SAP130: variants seen among roughly 807,000 people sequenced by gnomAD.
SAP130 encodes Sin3A associated protein 130.
A neutral mutation model predicts 103.2 loss-of-function variants in SAP130; 16 were observed. The observed-to-expected ratio is 0.16, with a 90% CI of 0.10 to 0.24. SAP130 has a LOEUF of 0.24. Among genes scored for constraint, SAP130 ranks in the 10% least tolerant of loss-of-function variants. The probability of loss-of-function intolerance (pLI) is 1.00; values close to 1 mark genes in which losing one functional copy is unlikely to be tolerated. For synonymous variants in SAP130, 477 were observed against 497.0 expected, an observed-to-expected ratio of 0.96 and a Z score of 0.53; for missense variants, 990 against 1,359.7, an observed-to-expected ratio of 0.73 and a Z score of 4.28.
At chr2:128,020,512 T>C (rs1054826838) in intron 2 of SAP130, among the ~76,000 whole-genome samples, 1 of 152,224 alleles carries the variant, frequency 6.6e-6, no homozygotes, top group Non-Finnish European at 1.5e-5. Context: ...ATGCTGTATA[T>C]AGTACGACAC....
At chr2:128,003,298 G>A (rs1683703198) in intron 7 of SAP130, among the ~76,000 whole-genome samples, 1 of 151,810 alleles carries the variant, frequency 6.6e-6, no homozygotes, top group African/African-American at 2.4e-5. Flanking sequence ...CTTGAGCCCA[G>A]GAATTTGAGA....
intron 12 of SAP130, among the ~76,000 whole-genome samples, chr2:127,992,806 T>C (rs574114671): frequency 1.3e-5 from 2 of 152,314 alleles, no homozygotes; most frequent in South Asian, 4.1e-4. Context: ...ACAAGTACCA[T>C]GGAACCTAAA....
chr2:127,990,860 T>G (rs1214639933), intron 12 of SAP130, among the ~76,000 whole-genome samples: 1 of 150,374 alleles, frequency 6.7e-6, no homozygotes. Context: ...AGGATTCCCT[T>G]GAACTCAGGA....
chr2:127,941,942 C>CCAA lies in SAP130; in HGVS notation c.*63_*64insTTG. The CCAA allele has an allele frequency of 5.5e-6, 1 of 181,344 alleles. No individual in the cohort carries two copies. Among genetic ancestry groups the CCAA allele is most frequent in the Non-Finnish European group, 1.0e-5 (1 of 96,874 alleles). The allele number at this position is 181,344 out of a possible 1,614,324, so 11.2% of individuals were successfully genotyped here. A position where few individuals can be genotyped will look rare whatever the true frequency, so the allele number is the denominator to read the frequency against. ...TGTTCCACTTTGGAAAAAACCAAAA[C>CCAA]CCTCCCCCCACCCCCACCATCATTC... On this transcript the variant is annotated 3_prime_UTR_variant, in exon 21 of 21. Coordinates refer to ENST00000643581, the MANE Select transcript of SAP130 (RefSeq NM_001330301.2).
intron 2 of SAP130, among the ~76,000 whole-genome samples, chr2:128,024,975 T>C (rs528396345): frequency 1.5e-4 from 22 of 142,662 alleles, no homozygotes; most frequent in Admixed American, 5.1e-4. Context: ...GTACTGCCGC[T>C]TGAGTGACAG....
intron 15 of SAP130, among the ~76,000 whole-genome samples, chr2:127,971,411 G>A (rs564570958): frequency 1.3e-5 from 2 of 150,782 alleles, no homozygotes; most frequent in East Asian, 3.9e-4. Flanking sequence ...TCAGCCTCCC[G>A]AGTAGCTGGG....
Position 127,996,304 on chromosome 2 carries a change from G to T in SAP130, c.1355+46C>A. 6.7e-7 allele frequency: 1 copy of T among 1,494,370 alleles called. No homozygotes were observed. The highest frequency in any genetic ancestry group is 1.4e-5 in the South Asian group (1 of 73,464). 92.6% of individuals were successfully genotyped at this position (1,494,370 alleles called of 1,614,324 possible). A position where few individuals can be genotyped will look rare whatever the true frequency, so the allele number is the denominator to read the frequency against. ...TTGTTTTATGCTGATAAAGCAGAAC[G>T]ATTAATGACACAGTGAGGCAGAATA... On this transcript the variant is annotated intron_variant, in intron 11 of 20. Coordinates refer to ENST00000643581, the MANE Select transcript of SAP130 (RefSeq NM_001330301.2). The surrounding 1 kb of genome is among the most constrained non-coding windows in gnomAD (Gnocchi z 4.3).
Position 127,996,369 on chromosome 2 carries a change from C to T in SAP130, c.1336G>A (p.Glu446Lys), listed in dbSNP as rs1267004267. 1 of 1,604,522 alleles carries T rather than the reference C, an allele frequency of 6.2e-7. No homozygotes were observed. The highest frequency in any genetic ancestry group is 8.5e-7 in the Non-Finnish European group (1 of 1,175,484). ...HRASPNPVAM[E>K]TRSDNRPSVP... is the part of the protein sequence containing the mutation. ...TCCTACCTGTTGTCACTTCGGGTTTCCATGGCCACAGGATTGGGAGAGGCC... is the reference window on the plus strand; with the variant it reads ...TCCTACCTGTTGTCACTTCGGGTTTTCATGGCCACAGGATTGGGAGAGGCC... Residue 446 changes from glutamate to lysine, a missense_variant, in exon 11 of 21, where the codon GAA (glutamate) becomes AAA (lysine). Around this residue, in one of 6 missense-constraint regions of SAP130, gnomAD observed 336 missense variants for 520.1 expected, o/e 0.65. Transcript: ENST00000643581. This position sits in a 1 kb window ranked among gnomAD's most constrained non-coding sequence, Gnocchi z 4.3.
intron 14 of SAP130, among the ~76,000 whole-genome samples, chr2:127,979,370 G>A (rs1681701863): frequency 6.6e-6 from 1 of 152,120 alleles, no homozygotes; most frequent in African/African-American, 2.4e-5. Flanking sequence ...CCTTAAGCCA[G>A]AAGATTTATG....
At chr2:127,984,026 T>C (rs1432805143) in intron 14 of SAP130, among the ~76,000 whole-genome samples, 1 of 152,026 alleles carries the variant, frequency 6.6e-6, no homozygotes, top group Non-Finnish European at 1.5e-5. Flanking sequence ...TTGAAACCCA[T>C]TACCTGGAGG....
At chr2:128,018,483 C>CAAAAAAAAAA (rs759445928) in intron 2 of SAP130, among the ~76,000 whole-genome samples, 3 of 69,472 alleles carry the variant, frequency 4.3e-5, no homozygotes, top group African/African-American at 2.0e-4. Flanking sequence ...AGATTGTCTC[C>CAAAAAAAAAA]AAAAAAAAAA....
In SAP130 at chr2:127,950,367, C is replaced by T. The variant is rs534446454; in HGVS notation, c.2464G>A (p.Ala822Thr). 1.5e-5 allele frequency: 25 copies of T among 1,614,192 alleles called. No homozygotes were observed. In the South Asian group the frequency reaches 2.6e-4, roughly 17 times the overall value. ...LATNTVSPSL[A>T]LLANNLSMPT... ...ATGGACAAGTTGTTTGCCAGCAATG[C>T]AAGAGATGGAGACACAGTGTTGGTA... The change falls in exon 17 of 21, where the codon GCA becomes ACA. Residue 822 changes from alanine (A) to threonine (T), a missense_variant. Physicochemically the swap from Ala to Thr is moderately conservative, Grantham distance 58 (BLOSUM62 0). Around this residue, in one of 6 missense-constraint regions of SAP130, gnomAD observed 349 missense variants for 384.1 expected, o/e 0.91. Transcript: ENST00000643581.
intron 17 of SAP130, 32 bp from the exon 18 acceptor site, chr2:127,950,026 AAC>A: frequency 6.2e-7 from 1 of 1,612,208 alleles, no homozygotes; most frequent in Non-Finnish European, 8.5e-7. Context: ...ACAACTTAGT[AAC>A]ACTGTCAACA....
chr2:127,998,422 T>C (rs1460712861), intron 10 of SAP130, among the ~76,000 whole-genome samples: 2 of 152,222 alleles, frequency 1.3e-5, no homozygotes. Context: ...TAATATCACC[T>C]GGAGAGGGCA....
At position 127,986,832 on chromosome 2, in the gene SAP130, G is replaced by A. The variant is rs1242337079; in HGVS notation, c.1911C>T (p.Gly637=). The change falls in exon 14 of 21, where the codon GGC becomes GGT. Residue 637 remains glycine, a synonymous_variant. Coordinates refer to ENST00000643581, the MANE Select transcript of SAP130 (RefSeq NM_001330301.2). The surrounding 1 kb of genome is among the most constrained non-coding windows in gnomAD (Gnocchi z 4.7). The part of the protein sequence containing the change: ...QSASTNAPAQ[G]SSPRPSILRK... Reference sequence around the variant, plus strand: ...GGAGTATGCTTGGCCGTGGCGATGAGCCCTGGGCGGGAGCGTTGGTGCTAG... The same window carrying A: ...GGAGTATGCTTGGCCGTGGCGATGAACCCTGGGCGGGAGCGTTGGTGCTAG... The A allele has an allele frequency of 3.1e-6, 5 of 1,614,126 alleles. No individual in the cohort carries two copies. In the East Asian group the frequency reaches 1.1e-4, roughly 36 times the overall value.
intron 2 of SAP130, among the ~76,000 whole-genome samples, chr2:128,023,517 T>G (rs988615838): frequency 6.6e-6 from 1 of 152,152 alleles, no homozygotes; most frequent in Non-Finnish European, 1.5e-5. Context: ...CAGTGGCTCA[T>G]GCCTGTAATC....
At chr2:128,006,866 T>A (rs1334701295) in intron 7 of SAP130, among the ~76,000 whole-genome samples, 1 of 152,228 alleles carries the variant, frequency 6.6e-6, no homozygotes, top group African/African-American at 2.4e-5. Context: ...CTAAGGAAAT[T>A]GGTCTGTTGA....
At chr2:127,991,635 A>G (rs1213239695) in intron 12 of SAP130, among the ~76,000 whole-genome samples, 1 of 152,092 alleles carries the variant, frequency 6.6e-6, no homozygotes, top group Non-Finnish European at 1.5e-5. Flanking sequence ...CCTGGCCTAA[A>G]AATTCTTAAC....
intron 7 of SAP130, 69 bp from the exon 8 acceptor site, chr2:128,000,523 G>A (rs890203965): frequency 6.4e-7 from 1 of 1,570,134 alleles, no homozygotes; most frequent in Non-Finnish European, 8.7e-7. Context: ...GGTTAGTCAT[G>A]CAAGTTATAC....
Sources: allele counts gnomAD v4.1 joint callset (sites outside exome capture counted in the v4.1 genomes callset), GRCh38; gene constraint gnomAD v4.1.1; regional missense constraint gnomAD v4.1.1; non-coding constraint Gnocchi (gnomAD v3.1); transcripts MANE v1.5; gene names NCBI Gene and HGNC (gene_info 2026-07-23, HGNC 2026-07-21).